The following TAFA5 variants were observed in gnomAD, a reference collection of about 807,000 sequenced individuals.
TAFA5 encodes TAFA chemokine like family member 5, also known as chemokine-like protein TAFA-5.
A neutral mutation model predicts 15.3 loss-of-function variants in TAFA5; 6 were observed. The ratio of observed to expected loss-of-function variants is 0.39; its 90% CI spans 0.21 to 0.77. TAFA5 has a LOEUF of 0.77. Ranked by LOEUF, TAFA5 falls within the 30% of genes least tolerant of loss-of-function variation. The probability of loss-of-function intolerance (pLI) is 0.41; values close to 1 mark genes in which losing one functional copy is unlikely to be tolerated. For missense variants in TAFA5, 161 were observed against 193.1 expected (o/e 0.83, Z 0.98); for synonymous variants, 103 against 80.7 (o/e 1.28, Z -1.48).
chr22:48,604,709 AT>A (rs35805630), intron 1 of TAFA5, among the ~76,000 whole-genome samples: 19,378 of 151,864 alleles, frequency 0.13, 1,337 homozygotes, highest in African/African-American at 0.17. Flanking sequence ...CAGCCCATAG[AT>A]TTTTTTTCCA....
At chr22:48,579,090 C>T (rs577026242) in intron 1 of TAFA5, among the ~76,000 whole-genome samples, 1 of 151,874 alleles carries the variant, frequency 6.6e-6, no homozygotes, top group South Asian at 2.1e-4. Context: ...CACACTTCTC[C>T]TTTTGTGTGG....
chr22:48,684,851 G>A (rs1198763142), intron 2 of TAFA5, among the ~76,000 whole-genome samples: 2 of 152,206 alleles, frequency 1.3e-5, no homozygotes, highest in African/African-American at 2.4e-5. Flanking sequence ...TCGGGGTGCG[G>A]CTCCCAGAGG....
rs1208846630 is a variant in TAFA5, at chr22:48,707,725, A to G, written c.271A>G (p.Ile91Val). ...ARPACVDARI[I>V]KTKQWCDMLP... ...TCTCTTTTCTCCCACAGCAAGAATC[A>G]TCAAGACCAAGCAGTGGTGTGACAT... Residue 91 changes from isoleucine to valine, a missense_variant, in exon 3 of 4, where the codon ATC becomes GTC. Ile to Val is a conservative substitution (Grantham distance 29). Coordinates refer to ENST00000402357, the MANE Select transcript of TAFA5 (RefSeq NM_001082967.3). 4 of 1,613,886 alleles carry G rather than the reference A, an allele frequency of 2.5e-6. No individual in the cohort carries two copies. Among genetic ancestry groups the G allele is most frequent in the Admixed American group, 1.7e-5 (1 of 60,016 alleles).
intron 2 of TAFA5, among the ~76,000 whole-genome samples, chr22:48,690,903 G>C (rs1032608949): frequency 1.3e-5 from 2 of 152,166 alleles, no homozygotes; most frequent in African/African-American, 4.8e-5. Flanking sequence ...TGCCTGTCGT[G>C]GAGGGAGGAC....
At chr22:48,573,732 T>A (rs1391583253) in intron 1 of TAFA5, among the ~76,000 whole-genome samples, 1 of 151,266 alleles carries the variant, frequency 6.6e-6, no homozygotes, top group Non-Finnish European at 1.5e-5. Context: ...TGAACTTTCT[T>A]TTTTTTCTCC....
intron 2 of TAFA5, among the ~76,000 whole-genome samples, chr22:48,669,647 T>C (rs1014054658): frequency 5.9e-5 from 9 of 152,210 alleles, no homozygotes; most frequent in Non-Finnish European, 7.3e-5. Flanking sequence ...GTTGGTGGCA[T>C]AGCCTTTCCT....
intron 1 of TAFA5, among the ~76,000 whole-genome samples, chr22:48,585,157 C>G (rs1227821903): frequency 1.3e-5 from 2 of 150,260 alleles, no homozygotes; most frequent in South Asian, 2.1e-4. Context: ...ACACCACACA[C>G]TAGACACCAC....
intron 1 of TAFA5, among the ~76,000 whole-genome samples, chr22:48,536,721 G>A (rs1922178942): frequency 6.6e-6 from 1 of 152,230 alleles, no homozygotes; most frequent in South Asian, 2.1e-4. Context: ...AGGACAGAGT[G>A]CCTTTGTTTG....
intron 1 of TAFA5, among the ~76,000 whole-genome samples, chr22:48,642,423 G>T (rs891089071): frequency 1.3e-5 from 2 of 152,154 alleles, no homozygotes; most frequent in Non-Finnish European, 2.9e-5. Context: ...CTCCTGGTGG[G>T]CCCGCCCTCC....
chr22:48,725,466 A>G (rs1929687866), intron 3 of TAFA5, among the ~76,000 whole-genome samples: 1 of 152,182 alleles, frequency 6.6e-6, no homozygotes, highest in Admixed American at 6.5e-5. Flanking sequence ...TTTTATAGAA[A>G]GTGTCTGCTT....
At chr22:48,643,123 G>C (rs1285990042) in intron 1 of TAFA5, among the ~76,000 whole-genome samples, 2 of 152,216 alleles carry the variant, frequency 1.3e-5, no homozygotes, top group Non-Finnish European at 1.5e-5. Flanking sequence ...GCTGAGCTGG[G>C]GGTCGCGACA....
intron 1 of TAFA5, chr22:48,544,554 C>G (rs1601568735): frequency 2.5e-6 from 1 of 397,600 alleles, no homozygotes; most frequent in Non-Finnish European, 5.2e-6. Context: ...GGTGCAACGG[C>G]GCTAACTGCA....
At chr22:48,665,561 G>C (rs1241956512) in intron 2 of TAFA5, among the ~76,000 whole-genome samples, 1 of 152,100 alleles carries the variant, frequency 6.6e-6, no homozygotes, top group Non-Finnish European at 1.5e-5. Context: ...GTTCCATGTG[G>C]TATGAGATGG....
intron 1 of TAFA5, among the ~76,000 whole-genome samples, chr22:48,643,598 G>A (rs761997405): frequency 3.3e-5 from 5 of 152,220 alleles, no homozygotes; most frequent in Admixed American, 6.5e-5. Flanking sequence ...AGCCCTGGCC[G>A]GTCGGGTAGC....
chr22:48,706,466 G>GCT (rs1464763086), intron 2 of TAFA5, among the ~76,000 whole-genome samples: 3 of 152,196 alleles, frequency 2.0e-5, no homozygotes, highest in African/African-American at 7.2e-5. Context: ...GGGGTGCCTG[G>GCT]CTCTCACCAG....
intron 1 of TAFA5, among the ~76,000 whole-genome samples, chr22:48,576,043 C>CCT (rs1555888912): frequency 9.5e-6 from 1 of 105,478 alleles, no homozygotes; most frequent in African/African-American, 4.0e-5. Flanking sequence ...CGCCGGACCC[C>CCT]CCCCCCCCCC....
intron 1 of TAFA5, among the ~76,000 whole-genome samples, chr22:48,618,454 A>G (rs1414852218): frequency 6.6e-6 from 1 of 152,256 alleles, no homozygotes; most frequent in Non-Finnish European, 1.5e-5. Context: ...CTCAGGATTT[A>G]CTTGCTCATA....
At chr22:48,620,460 C>T (rs1925760406) in intron 1 of TAFA5, among the ~76,000 whole-genome samples, 1 of 152,052 alleles carries the variant, frequency 6.6e-6, no homozygotes, top group Non-Finnish European at 1.5e-5. Flanking sequence ...GGTTTTTAAT[C>T]AGTTAGTTCT....
At chr22:48,617,092 T>G (rs781478236) in intron 1 of TAFA5, among the ~76,000 whole-genome samples, 4 of 152,148 alleles carry the variant, frequency 2.6e-5, no homozygotes, top group Non-Finnish European at 4.4e-5. Flanking sequence ...CCAAAAGATG[T>G]CCGGGTTCTA....
Sources: allele counts gnomAD v4.1 joint callset (sites outside exome capture counted in the v4.1 genomes callset), GRCh38; gene constraint gnomAD v4.1.1; transcripts MANE v1.5; gene names NCBI Gene and HGNC (gene_info 2026-07-23, HGNC 2026-07-21).